The following FGF7 variants were observed in gnomAD, a reference collection of about 807,000 sequenced individuals.
FGF7 encodes fibroblast growth factor 7.
FGF7 carries 6 observed loss-of-function variants against 20.5 expected under a neutral mutation model. The observed-to-expected ratio is 0.29, with a 90% CI of 0.16 to 0.58. FGF7 has a LOEUF of 0.58. Among genes scored for constraint, FGF7 ranks in the 20% least tolerant of loss-of-function variants. The pLI is 0.90. For synonymous variants in FGF7, 64 were observed against 74.7 expected (o/e 0.86, Z 0.74); for missense variants, 144 against 228.8 (o/e 0.63, Z 2.39).
intron 2 of FGF7, among the ~76,000 whole-genome samples, chr15:49,441,905 T>G (rs1597215073): frequency 6.6e-6 from 1 of 151,780 alleles, no homozygotes; most frequent in East Asian, 2.0e-4. Flanking sequence ...CTTATGCATT[T>G]ATTTTTATCA....
At chr15:49,443,100 T>C (rs4338740) in intron 2 of FGF7, among the ~76,000 whole-genome samples, 33,318 of 151,566 alleles carry the variant, frequency 0.22, 4,019 homozygotes, top group South Asian at 0.34. Flanking sequence ...TGACCATATT[T>C]GGTGGTCTGC....
At chr15:49,464,626 T>G (rs960897769) in intron 2 of FGF7, among the ~76,000 whole-genome samples, 2 of 152,170 alleles carry the variant, frequency 1.3e-5, no homozygotes, top group Non-Finnish European at 2.9e-5. Flanking sequence ...TGAATAATGA[T>G]TTTCTTGCAA....
chr15:49,424,764 C>A (rs984658938), intron 2 of FGF7, 181 bp downstream of exon 2: 10 of 463,388 alleles, frequency 2.2e-5, no homozygotes, highest in African/African-American at 7.8e-5. Flanking sequence ...TTTAACAGGG[C>A]AAATCTACTT....
intron 2 of FGF7, among the ~76,000 whole-genome samples, chr15:49,474,819 C>T (rs914430231): frequency 5.3e-5 from 8 of 152,098 alleles, no homozygotes; most frequent in Admixed American, 3.9e-4. Flanking sequence ...AGGTTGCGTG[C>T]TCCGTACGAA....
chr15:49,471,344 T>C (rs1010338521), intron 2 of FGF7, among the ~76,000 whole-genome samples: 3 of 151,794 alleles, frequency 2.0e-5, no homozygotes, highest in Non-Finnish European at 4.4e-5. Flanking sequence ...AATTAGCTGG[T>C]GTGGTGGCAC....
At chr15:49,476,019 A>G (rs1166140166) in intron 2 of FGF7, among the ~76,000 whole-genome samples, 1 of 152,144 alleles carries the variant, frequency 6.6e-6, no homozygotes, top group Non-Finnish European at 1.5e-5. Flanking sequence ...CAATCTTCTG[A>G]ACATGACTTT....
intron 1 of FGF7, 101 bp from the exon 2 acceptor site, chr15:49,423,931 C>T (rs2049905323): frequency 5.3e-6 from 1 of 187,866 alleles, no homozygotes; most frequent in African/African-American, 2.4e-5. Context: ...ATAACCTATA[C>T]TGTATTCTAA....
intron 2 of FGF7, among the ~76,000 whole-genome samples, chr15:49,470,845 G>A (rs1000176067): frequency 1.3e-5 from 2 of 152,180 alleles, no homozygotes; most frequent in African/African-American, 4.8e-5. Flanking sequence ...AGTGACAAGG[G>A]TGTCATCTAG....
At chr15:49,443,269 A>G (rs527861372) in intron 2 of FGF7, among the ~76,000 whole-genome samples, 1 of 151,752 alleles carries the variant, frequency 6.6e-6, no homozygotes, top group Admixed American at 6.6e-5. Context: ...ACTCTTTACT[A>G]CTGAATTTCT....
chr15:49,433,727 G>A (rs2050829911), intron 2 of FGF7, among the ~76,000 whole-genome samples: 1 of 151,634 alleles, frequency 6.6e-6, no homozygotes, highest in African/African-American at 2.4e-5. Flanking sequence ...AAGGTTGATT[G>A]GCAGGGCATA....
chr15:49,480,474 A>ATTTT lies in FGF7; in HGVS notation c.287-2658_287-2655dup, dbSNP rs35283556. Among the ~76,000 whole-genome samples, 99 of 100,892 alleles carry ATTTT rather than the reference A, an allele frequency of 9.8e-4. 1 individual carries two copies. In the South Asian group the frequency reaches 0.015, roughly 15 times the overall value. The allele number at this position is 100,892 out of a possible 152,430, so 66.2% of individuals were successfully genotyped here. On this transcript the variant is annotated intron_variant, in intron 2 of 3. Transcript: ENST00000267843. ...AGGAATGCACCACCATGCCCAACTA[A>ATTTT]TTTTTTTTTTTTTTTTTTTTTTGGT...
chr15:49,462,575 G>T (rs1412660288), intron 2 of FGF7, among the ~76,000 whole-genome samples: 1 of 152,152 alleles, frequency 6.6e-6, no homozygotes, highest in Non-Finnish European at 1.5e-5. Flanking sequence ...CACTTTCGTT[G>T]GCACAGAACT....
At chr15:49,462,808 T>C (rs975946881) in intron 2 of FGF7, among the ~76,000 whole-genome samples, 3 of 152,182 alleles carry the variant, frequency 2.0e-5, no homozygotes, top group Admixed American at 1.3e-4. Flanking sequence ...TTGGCATGTA[T>C]AGAAAGGATG....
intron 2 of FGF7, among the ~76,000 whole-genome samples, chr15:49,428,098 TG>T (rs1381976077): frequency 6.6e-6 from 1 of 151,786 alleles, no homozygotes; most frequent in Non-Finnish European, 1.5e-5. Flanking sequence ...ACTATGAAGA[TG>T]GGGGAATTCA....
At chr15:49,483,117 A>G in intron 2 of FGF7, 34 bp from the exon 3 acceptor site, 1 of 1,167,526 alleles carries the variant, frequency 8.6e-7, no homozygotes, top group Non-Finnish European at 1.3e-6. Flanking sequence ...AAACTGAACG[A>G]ATATTTGACA....
intron 2 of FGF7, among the ~76,000 whole-genome samples, chr15:49,450,706 T>C (rs2052644781): frequency 1.3e-5 from 2 of 152,262 alleles, no homozygotes; most frequent in South Asian, 4.1e-4. Flanking sequence ...TCACAGGTTT[T>C]CAATTACATT....
chr15:49,444,874 C>T (rs891049519), intron 2 of FGF7, among the ~76,000 whole-genome samples: 1 of 151,646 alleles, frequency 6.6e-6, no homozygotes, highest in East Asian at 1.9e-4. Flanking sequence ...TAAAGTTTAG[C>T]CTCTCTTTTT....
chr15:49,438,971 C>G lies in FGF7; in HGVS notation c.286+14388C>G, dbSNP rs141585694. Among the ~76,000 whole-genome samples the G allele has an allele frequency of 7.1e-3, 1,075 of 151,572 alleles. 4 individuals are homozygous for G. Among genetic ancestry groups the G allele is most frequent in the Non-Finnish European group, 9.8e-3 (661 of 67,742 alleles). On this transcript the variant is annotated intron_variant, in intron 2 of 3. Transcript: ENST00000267843. ...TTACCTAAAATTTACCAGCTTAAAA[C>G]AGTATTTATTATCTTGCAGTTTCAG... is the stretch of plus-strand genomic sequence containing the variant.
chr15:49,460,010 C>T (rs1281829536), intron 2 of FGF7, among the ~76,000 whole-genome samples: 3 of 152,118 alleles, frequency 2.0e-5, no homozygotes, highest in African/African-American at 7.2e-5. Flanking sequence ...CCACAGCTAT[C>T]ACTTTCTTCC....
Sources: allele counts gnomAD v4.1 joint callset (sites outside exome capture counted in the v4.1 genomes callset), GRCh38; gene constraint gnomAD v4.1.1; transcripts MANE v1.5; gene names NCBI Gene and HGNC (gene_info 2026-07-23, HGNC 2026-07-21).